The following MCF2L2 variants were observed in gnomAD, a reference collection of about 807,000 sequenced individuals.
MCF2L2 encodes MCF.2 cell line derived transforming sequence-like 2.
In MCF2L2, 102 loss-of-function variants were observed where a neutral mutation model predicts 150.2. The ratio of observed to expected loss-of-function variants is 0.68; its 90% CI spans 0.58 to 0.80. The LOEUF (loss-of-function observed/expected upper bound fraction) is 0.80, where lower values mean the gene tolerates loss of function less well. MCF2L2 is among the 30% of genes least tolerant of loss of function. MCF2L2 has a pLI of 0.00. For missense variants in MCF2L2, 1,256 were observed against 1,372.8 expected (o/e 0.91, Z 1.34); for synonymous variants, 465 against 491.3 (o/e 0.95, Z 0.71).
chr3:183,425,306 T>C (rs913267052), intron 1 of MCF2L2, among the ~76,000 whole-genome samples: 1 of 152,158 alleles, frequency 6.6e-6, no homozygotes, highest in African/African-American at 2.4e-5. Context: ...AAACCCCTGC[T>C]GGAGGAGAAA....
chr3:183,280,736 T>C (rs1279352908), intron 14 of MCF2L2, among the ~76,000 whole-genome samples: 2 of 151,250 alleles, frequency 1.3e-5, no homozygotes, highest in Non-Finnish European at 2.9e-5. Flanking sequence ...TACTCCCAGC[T>C]ACTCGGGAGG....
intron 15 of MCF2L2, among the ~76,000 whole-genome samples, chr3:183,243,861 A>G (rs567313455): frequency 6.6e-6 from 1 of 152,294 alleles, no homozygotes; most frequent in South Asian, 2.1e-4. Context: ...AAAACCAACT[A>G]AAGAAATCTA....
In MCF2L2 at chr3:183,230,137, G is replaced by A. The variant is rs115647040; in HGVS notation, c.1930-356C>T. On this transcript the variant is annotated intron_variant, in intron 16 of 29. Transcript: ENST00000328913. ...TTATGATTATTATTAATATTGAGAC[G>A]AAGTTTTGCTCTTCTTCCCAGGCTG... 2.7e-3 allele frequency among the ~76,000 whole-genome samples: 417 copies of A among 152,162 alleles called. 2 individuals carry two copies. The highest frequency in any genetic ancestry group is 4.5e-3 in the Non-Finnish European group (306 of 68,008).
At chr3:183,300,651 G>A (rs1392457056) in intron 10 of MCF2L2, among the ~76,000 whole-genome samples, 1 of 152,094 alleles carries the variant, frequency 6.6e-6, no homozygotes, top group Non-Finnish European at 1.5e-5. Flanking sequence ...GAGAGTGGGG[G>A]GTGAGCTGAA....
chr3:183,428,086 C>G lies in MCF2L2; in HGVS notation c.-109G>C. ...CGCCCAAGGATGCTCTGCCCTCGCC[C>G]TCTTCCTGGCTCTCCAGGCAAGAAA... On this transcript the variant is annotated 5_prime_UTR_variant, in exon 1 of 30. Coordinates refer to ENST00000328913, the MANE Select transcript of MCF2L2 (RefSeq NM_015078.4). The surrounding 1 kb of genome is among the most constrained non-coding windows in gnomAD (Gnocchi z 5.1). The G allele has an allele frequency of 1.3e-6, 1 of 794,406 alleles. No individual in the cohort carries two copies. Among genetic ancestry groups the G allele is most frequent in the Non-Finnish European group, 2.2e-6 (1 of 462,418 alleles). 49.2% of individuals were successfully genotyped at this position (794,406 alleles called of 1,614,324 possible).
chr3:183,354,839 T>C (rs1711665384), intron 3 of MCF2L2, among the ~76,000 whole-genome samples: 1 of 152,188 alleles, frequency 6.6e-6, no homozygotes, highest in Admixed American at 6.5e-5. Context: ...TCAAATATTT[T>C]ACAGAGTTTG....
At chr3:183,180,182 T>A (rs369946022) in intron 27 of MCF2L2, 23 bp from the exon 28 acceptor site, 45 of 1,521,398 alleles carry the variant, frequency 3.0e-5, no homozygotes, top group Non-Finnish European at 4.1e-5. Flanking sequence ...AAGGGAAGGA[T>A]GGGGCCTCTG....
intron 5 of MCF2L2, among the ~76,000 whole-genome samples, chr3:183,338,447 CA>C (rs58920831): frequency 0.17 from 17,466 of 104,544 alleles, 1,052 homozygotes; most frequent in African/African-American, 0.19. Flanking sequence ...AACTCTATCT[CA>C]AAAAAAAAAA....
chr3:183,361,945 C>G (rs1195488653), intron 3 of MCF2L2, among the ~76,000 whole-genome samples: 1 of 152,082 alleles, frequency 6.6e-6, no homozygotes, highest in East Asian at 1.9e-4. Context: ...GTTTCATGCA[C>G]AAAATTATTT....
intron 15 of MCF2L2, among the ~76,000 whole-genome samples, chr3:183,233,409 T>C (rs1450503740): frequency 1.3e-5 from 2 of 151,860 alleles, no homozygotes; most frequent in Admixed American, 1.3e-4. Flanking sequence ...TGTGTGTGTG[T>C]GTGTATATAT....
chr3:183,313,025 TATCTC>T (rs566987713), intron 7 of MCF2L2, among the ~76,000 whole-genome samples: 78 of 152,378 alleles, frequency 5.1e-4, no homozygotes, highest in South Asian at 2.1e-3. Flanking sequence ...CCTCATTTCT[TATCTC>T]ATCAATGCTC....
At chr3:183,243,488 A>C (rs751853113) in intron 15 of MCF2L2, among the ~76,000 whole-genome samples, 1 of 152,164 alleles carries the variant, frequency 6.6e-6, no homozygotes, top group Non-Finnish European at 1.5e-5. Context: ...TCTCTACAAG[A>C]GATAAGACTC....
At chr3:183,260,175 C>T (rs1189970698) in intron 15 of MCF2L2, among the ~76,000 whole-genome samples, 3 of 152,002 alleles carry the variant, frequency 2.0e-5, no homozygotes, top group East Asian at 3.9e-4. Context: ...CTCGGTATCT[C>T]GATGCCTCAG....
At chr3:183,361,018 G>C (rs1228460103) in intron 3 of MCF2L2, among the ~76,000 whole-genome samples, 1 of 124,468 alleles carries the variant, frequency 8.0e-6, no homozygotes, top group Admixed American at 7.8e-5. Flanking sequence ...GAAAAGAAAA[G>C]AAAAGAGAAA....
chr3:183,273,728 G>C (rs756075376), intron 15 of MCF2L2, among the ~76,000 whole-genome samples: 2 of 152,094 alleles, frequency 1.3e-5, no homozygotes, highest in Non-Finnish European at 2.9e-5. Flanking sequence ...TGTATATTTA[G>C]ATGTGTTTAG....
intron 3 of MCF2L2, among the ~76,000 whole-genome samples, chr3:183,371,102 C>T (rs73884686): frequency 0.015 from 2,243 of 152,356 alleles, 50 homozygotes; most frequent in African/African-American, 0.051. Context: ...CCCAGCTACT[C>T]CATCAAAGCA....
At chr3:183,406,014 T>G (rs13077022) in intron 1 of MCF2L2, among the ~76,000 whole-genome samples, 43,304 of 152,088 alleles carry the variant, frequency 0.28, 6,588 homozygotes, top group Non-Finnish European at 0.36. Context: ...CCACCACACC[T>G]GGCCCTGCTT....
chr3:183,421,231 T>A (rs1413160187), intron 1 of MCF2L2, among the ~76,000 whole-genome samples: 1 of 152,198 alleles, frequency 6.6e-6, no homozygotes, highest in Non-Finnish European at 1.5e-5. Flanking sequence ...GGGAATTTTT[T>A]AAATCATTAT....
intron 3 of MCF2L2, among the ~76,000 whole-genome samples, chr3:183,360,204 G>A (rs1270302811): frequency 2.0e-5 from 3 of 152,162 alleles, no homozygotes; most frequent in African/African-American, 7.2e-5. Flanking sequence ...AAATCAAAGA[G>A]AGCTTCTAAG....
Sources: allele counts gnomAD v4.1 joint callset (sites outside exome capture counted in the v4.1 genomes callset), GRCh38; gene constraint gnomAD v4.1.1; non-coding constraint Gnocchi (gnomAD v3.1); transcripts MANE v1.5; gene names NCBI Gene and HGNC (gene_info 2026-07-23, HGNC 2026-07-21).